ZC3H7A: variants seen among roughly 807,000 people sequenced by gnomAD.
The protein encoded by ZC3H7A is zinc finger CCCH-type containing 7A.
In ZC3H7A, 44 loss-of-function variants were observed where a neutral mutation model predicts 125.5. The ratio of observed to expected loss-of-function variants is 0.35; its 90% confidence interval spans 0.28 to 0.45. ZC3H7A has a LOEUF of 0.45. Ranked by LOEUF, ZC3H7A falls within the 20% of genes least tolerant of loss-of-function variation. The pLI is 1.00. For missense variants in ZC3H7A, 977 were observed against 1,170.7 expected (o/e 0.83, Z 2.41); for synonymous variants, 399 against 391.2 (o/e 1.02, Z -0.23).
intron 1 of ZC3H7A, among the ~76,000 whole-genome samples, chr16:11,792,496 G>C (rs1185188186): frequency 2.0e-5 from 3 of 152,140 alleles, no homozygotes; most frequent in African/African-American, 7.2e-5. Context: ...ACCTTACATG[G>C]TAACTTTAGA....
At chr16:11,775,109 A>C in intron 7 of ZC3H7A, 96 bp from the exon 8 acceptor site, 1 of 1,361,534 alleles carries the variant, frequency 7.3e-7, no homozygotes, top group Non-Finnish European at 1.0e-6. Context: ...ACAGTGGCTC[A>C]CGCCTGTAAT....
At chr16:11,757,799 T>C (rs564328519) in intron 20 of ZC3H7A, among the ~76,000 whole-genome samples, 2 of 152,312 alleles carry the variant, frequency 1.3e-5, no homozygotes, top group East Asian at 3.9e-4. Context: ...GGTTGAAACA[T>C]GGCAGGCAAC....
At chr16:11,774,640 T>C (rs2053048979) in intron 8 of ZC3H7A, 121 bp from the exon 9 acceptor site, 1 of 1,224,134 alleles carries the variant, frequency 8.2e-7, no homozygotes, top group Admixed American at 2.9e-5. Context: ...AATAATAAAA[T>C]TGACAGTATA....
intron 4 of ZC3H7A, among the ~76,000 whole-genome samples, chr16:11,777,225 C>T (rs543219428): frequency 1.2e-4 from 18 of 152,250 alleles, no homozygotes; most frequent in East Asian, 3.9e-4. Flanking sequence ...CTCTCCTATT[C>T]GCTCCTCTGT....
chr16:11,765,399 AC>A lies in ZC3H7A; in HGVS notation c.1719+89del. The A allele has an allele frequency of 1.2e-6, 1 of 864,238 alleles. No homozygotes were observed. 53.5% of individuals were successfully genotyped at this position (864,238 alleles called of 1,614,324 possible). On this transcript the variant is annotated intron_variant, in intron 14 of 22. Coordinates refer to ENST00000355758, the MANE Select transcript of ZC3H7A (RefSeq NM_014153.4). This position sits in a 1 kb window ranked among gnomAD's most constrained non-coding sequence, Gnocchi z 4.8. ...TAAATAAATGAATATTTATTCATTT[AC>A]CAAGTGAATGTTTTATCACATGGCA...
chr16:11,795,855 C>A (rs562930012), intron 1 of ZC3H7A, among the ~76,000 whole-genome samples: 2 of 152,270 alleles, frequency 1.3e-5, no homozygotes, highest in African/African-American at 4.8e-5. Context: ...CAGGCTGGAG[C>A]ACAAAGGCAC....
chr16:11,762,573 C>A, intron 17 of ZC3H7A, 98 bp downstream of exon 17: 1 of 1,096,948 alleles, frequency 9.1e-7, no homozygotes, highest in Non-Finnish European at 1.4e-6. Flanking sequence ...AAGAAAGTAA[C>A]TGGACTGTAA....
chr16:11,755,548 G>T (rs568370186), intron 21 of ZC3H7A, among the ~76,000 whole-genome samples: 13 of 152,208 alleles, frequency 8.5e-5, no homozygotes, highest in Non-Finnish European at 7.3e-5. Context: ...AGGTCCAGCG[G>T]GGTAGACAGC....
chr16:11,776,567 A>G (rs969582111), intron 5 of ZC3H7A, 35 bp from the exon 6 acceptor site: 14 of 1,564,224 alleles, frequency 9.0e-6, no homozygotes, highest in African/African-American at 1.4e-5. Flanking sequence ...TAACAGGGTT[A>G]TATTTACTAA....
intron 19 of ZC3H7A, among the ~76,000 whole-genome samples, chr16:11,760,713 G>A (rs1178509163): frequency 1.3e-5 from 2 of 152,174 alleles, no homozygotes; most frequent in Non-Finnish European, 2.9e-5. Flanking sequence ...CACGTGTGAA[G>A]TGCCTCTAGA....
intron 9 of ZC3H7A, among the ~76,000 whole-genome samples, chr16:11,772,740 AG>A (rs1355375350): frequency 6.7e-6 from 1 of 150,054 alleles, no homozygotes; most frequent in Admixed American, 6.6e-5. Context: ...TCTGTCACCC[AG>A]GGTGGAGTGC....
intron 20 of ZC3H7A, among the ~76,000 whole-genome samples, chr16:11,757,406 C>A (rs1170197134): frequency 6.7e-6 from 1 of 149,210 alleles, no homozygotes; most frequent in Non-Finnish European, 1.5e-5. Flanking sequence ...ATGGTGTGAA[C>A]CCGGGAGGCG....
intron 1 of ZC3H7A, chr16:11,782,814 C>T (rs764286328): frequency 1.3e-5 from 2 of 158,198 alleles, no homozygotes; most frequent in Non-Finnish European, 2.8e-5. Flanking sequence ...AGGGTTTCAC[C>T]TTACTGGTCA....
intron 3 of ZC3H7A, among the ~76,000 whole-genome samples, chr16:11,780,447 T>G (rs1436778846): frequency 6.6e-6 from 1 of 152,186 alleles, no homozygotes; most frequent in Non-Finnish European, 1.5e-5. Flanking sequence ...AAAGCTCTTT[T>G]TCATCACAAG....
At chr16:11,788,751 T>C (rs1256705356) in intron 1 of ZC3H7A, among the ~76,000 whole-genome samples, 1 of 151,770 alleles carries the variant, frequency 6.6e-6, no homozygotes, top group Non-Finnish European at 1.5e-5. Context: ...GTATCTGGGG[T>C]TACAGGTACG....
At chr16:11,757,704 T>C (rs1053409239) in intron 20 of ZC3H7A, among the ~76,000 whole-genome samples, 1 of 152,086 alleles carries the variant, frequency 6.6e-6, no homozygotes, top group Non-Finnish European at 1.5e-5. Flanking sequence ...CGCAAGGGCA[T>C]CTTCAGTCAG....
Position 11,770,899 on chromosome 16 carries a change from A to G in ZC3H7A, c.992T>C (p.Ile331Thr). The change falls in exon 10 of 23, where the codon ATT becomes ACT. Residue 331 changes from isoleucine (I) to threonine (T), a missense_variant. This residue lies in a region of ZC3H7A where 342 missense variants were observed against 311.3 expected (regional missense o/e 1.10). Transcript: ENST00000355758. The part of the protein sequence containing the change: ...FSASLLGTLP[I>T]GARYAPPPSF... ...GGGTGGAGGAGCATACCTCGCACCA[A>G]TGGGTAAGGTTCCTAACAGCGATGC... is the stretch of plus-strand genomic sequence containing the variant. 6.2e-7 allele frequency: 1 copy of G among 1,614,194 alleles called. No homozygotes were observed. The highest frequency in any genetic ancestry group is 1.3e-5 in the African/African-American group (1 of 75,052).
In ZC3H7A at chr16:11,789,619, T is replaced by C. The variant is rs552811379; in HGVS notation, c.-34-7231A>G. On this transcript the variant is annotated intron_variant, in intron 1 of 22. Transcript: ENST00000355758. The stretch of plus-strand genomic sequence containing the variant: ...AGTTCTGTACCCCACTGTCTTTATG[T>C]AGTATCTAATCAGTGTGTTCGTTTT... Among the ~76,000 whole-genome samples the C allele has an allele frequency of 9.2e-5, 14 of 152,296 alleles. No homozygotes were observed. In the East Asian group the frequency reaches 2.5e-3, roughly 27 times the overall value.
intron 11 of ZC3H7A, 80 bp from the exon 12 acceptor site, chr16:11,768,581 T>G (rs1049232432): frequency 1.4e-5 from 17 of 1,240,178 alleles, no homozygotes; most frequent in Non-Finnish European, 1.8e-5. Flanking sequence ...ACTGAATTCA[T>G]CTGAAAAATA....
Sources: allele counts gnomAD v4.1 joint callset (sites outside exome capture counted in the v4.1 genomes callset), GRCh38; gene constraint gnomAD v4.1.1; regional missense constraint gnomAD v4.1.1; non-coding constraint Gnocchi (gnomAD v3.1); transcripts MANE v1.5; gene names NCBI Gene and HGNC (gene_info 2026-07-23, HGNC 2026-07-21).